LOC128462377: variants seen among roughly 807,000 people sequenced by gnomAD.
At chr16:89,373,736 C>T in the LOC128462377 span, among the ~76,000 whole-genome samples, 1 of 152,252 alleles carries the variant, frequency 6.6e-6, no homozygotes, top group African/African-American at 2.4e-5. Context: ...GGGAGGCATG[C>T]ACACGACACC....
chr16:89,367,221 C>T, the LOC128462377 span, among the ~76,000 whole-genome samples: 2 of 152,234 alleles, frequency 1.3e-5, no homozygotes, highest in Non-Finnish European at 2.9e-5. Flanking sequence ...CACAACAGTC[C>T]ACTCCACGTG....
the LOC128462377 span, among the ~76,000 whole-genome samples, chr16:89,415,127 T>A: frequency 6.6e-6 from 1 of 151,246 alleles, no homozygotes; most frequent in African/African-American, 2.4e-5. Flanking sequence ...CTCATTTTTT[T>A]ATTTTTTGTA....
At chr16:89,370,191 G>A in the LOC128462377 span, among the ~76,000 whole-genome samples, 2 of 152,368 alleles carry the variant, frequency 1.3e-5, no homozygotes, top group East Asian at 3.9e-4. Context: ...CCCTGGAGCT[G>A]GGGTGGAGCT....
chr16:89,334,001 G>A, the LOC128462377 span, among the ~76,000 whole-genome samples: 1 of 151,936 alleles, frequency 6.6e-6, no homozygotes, highest in Non-Finnish European at 1.5e-5. Context: ...ATATATCTAA[G>A]TTTCTCAATC....
At chr16:89,336,731 C>G in the LOC128462377 span, among the ~76,000 whole-genome samples, 16 of 152,204 alleles carry the variant, frequency 1.1e-4, no homozygotes, top group South Asian at 6.2e-4. Flanking sequence ...AGTCCCCACT[C>G]TCTACCTATC....
chr16:89,320,835 C>G, the LOC128462377 span, among the ~76,000 whole-genome samples: 1 of 152,264 alleles, frequency 6.6e-6, no homozygotes, highest in Admixed American at 6.5e-5. Context: ...CCCTGTGCCT[C>G]TCCACACTGC....
chr16:89,340,290 G>C, the LOC128462377 span, among the ~76,000 whole-genome samples: 1 of 152,196 alleles, frequency 6.6e-6, no homozygotes, highest in African/African-American at 2.4e-5. Context: ...TGTTGTTGTT[G>C]TTTTTGAGAC....
At chr16:89,341,837 CGGCGGGAG>C in the LOC128462377 span, among the ~76,000 whole-genome samples, 4 of 149,742 alleles carry the variant, frequency 2.7e-5, 1 homozygote, top group African/African-American at 1.0e-4. Context: ...CCACGGCCCA[CGGCGGGAG>C]TGCTGCACCT....
the LOC128462377 span, among the ~76,000 whole-genome samples, chr16:89,369,503 A>T: frequency 3.9e-5 from 6 of 152,270 alleles, no homozygotes; most frequent in Non-Finnish European, 7.3e-5. Flanking sequence ...CGTATCAGAC[A>T]CAAAGGCCCA....
the LOC128462377 span, among the ~76,000 whole-genome samples, chr16:89,367,601 C>T: frequency 6.6e-6 from 1 of 152,192 alleles, no homozygotes; most frequent in Non-Finnish European, 1.5e-5. Context: ...CCTGACAAGT[C>T]CACATTGCTT....
At chr16:89,390,338 A>C in the LOC128462377 span, among the ~76,000 whole-genome samples, 1 of 151,486 alleles carries the variant, frequency 6.6e-6, no homozygotes, top group Admixed American at 6.6e-5. Flanking sequence ...AGAGAAGATC[A>C]CTGGGGCGAA....
chr16:89,317,073 C>A, the LOC128462377 span: 1 of 1,561,310 alleles, frequency 6.4e-7, no homozygotes, highest in Non-Finnish European at 8.7e-7. Flanking sequence ...CATCATCAAC[C>A]GTCTGCTTCA....
At chr16:89,340,148 A>G in the LOC128462377 span, among the ~76,000 whole-genome samples, 13 of 152,266 alleles carry the variant, frequency 8.5e-5, no homozygotes, top group African/African-American at 3.1e-4. Flanking sequence ...GTTTATAACT[A>G]GAAATGGAAT....
the LOC128462377 span, among the ~76,000 whole-genome samples, chr16:89,380,713 C>G: frequency 6.6e-6 from 1 of 152,218 alleles, no homozygotes; most frequent in East Asian, 1.9e-4. Context: ...TGCCTGCTTT[C>G]CAGGGAAGAG....
the LOC128462377 span, among the ~76,000 whole-genome samples, chr16:89,406,409 G>A: frequency 2.0e-5 from 3 of 152,220 alleles, no homozygotes; most frequent in Non-Finnish European, 4.4e-5. Flanking sequence ...CGCGCTCTGA[G>A]ACTTGCGGTC....
At chr16:89,361,472 A>G in the LOC128462377 span, 1 of 152,244 alleles carries the variant, frequency 6.6e-6, no homozygotes, top group African/African-American at 2.4e-5. Context: ...GTGCCAGTCC[A>G]CCTGTTTATG....
At chr16:89,381,581 G>A in the LOC128462377 span, among the ~76,000 whole-genome samples, 2 of 152,150 alleles carry the variant, frequency 1.3e-5, no homozygotes, top group Non-Finnish European at 2.9e-5. Flanking sequence ...TAACTTACAT[G>A]CGATGATACG....
At chr16:89,402,908 C>A in the LOC128462377 span, among the ~76,000 whole-genome samples, 10 of 152,112 alleles carry the variant, frequency 6.6e-5, no homozygotes, top group African/African-American at 2.4e-4. Context: ...TCAGGGCCAG[C>A]ACTGCGCCAC....
At chr16:89,329,491 G>A in the LOC128462377 span, among the ~76,000 whole-genome samples, 1 of 152,158 alleles carries the variant, frequency 6.6e-6, no homozygotes, top group Admixed American at 6.5e-5. Context: ...TTCCCCAACG[G>A]TATACGTTTC....
Sources: allele counts gnomAD v4.1 joint callset (sites outside exome capture counted in the v4.1 genomes callset), GRCh38; gene constraint gnomAD v4.1.1; transcripts MANE v1.5.